CEP63: variants seen among roughly 807,000 people sequenced by gnomAD.
CEP63 encodes centrosomal protein of 63 kDa.
A neutral mutation model predicts 89.1 loss-of-function variants in CEP63; 84 were observed. The observed-to-expected ratio is 0.94, with a 90% CI of 0.79 to 1.13. The LOEUF (loss-of-function observed/expected upper bound fraction) is 1.13. Ranked by LOEUF, CEP63 falls within the 50% of genes most tolerant of loss-of-function variation. The pLI is 0.00. For synonymous variants in CEP63, 267 were observed against 272.5 expected (o/e 0.98, Z 0.20); for missense variants, 838 against 813.3 (o/e 1.03, Z -0.37).
chr3:134,608,393 C>T, the CEP63 span: 4 of 1,442,272 alleles, frequency 2.8e-6, no homozygotes, highest in Non-Finnish European at 3.7e-6. Context: ...CAGACACATC[C>T]CTTTCTGGGT....
At chr3:134,498,402 AT>A (rs1480901266) in intron 2 of CEP63, among the ~76,000 whole-genome samples, 3 of 151,768 alleles carry the variant, frequency 2.0e-5, no homozygotes, top group Non-Finnish European at 4.4e-5. Flanking sequence ...TTGTATGTTG[AT>A]TTTGTATTCT....
chr3:134,622,702 A>G, the CEP63 span, among the ~76,000 whole-genome samples: 2 of 152,230 alleles, frequency 1.3e-5, no homozygotes, highest in Admixed American at 6.5e-5. Context: ...ATGATAAAAA[A>G]AGAACAAATT....
intron 11 of CEP63, among the ~76,000 whole-genome samples, chr3:134,551,652 A>G (rs752092654): frequency 6.6e-6 from 1 of 151,354 alleles, no homozygotes; most frequent in Non-Finnish European, 1.5e-5. Flanking sequence ...GATTTATCCT[A>G]TTAGAATGAT....
At chr3:134,739,868 G>A in the CEP63 span, among the ~76,000 whole-genome samples, 2 of 152,184 alleles carry the variant, frequency 1.3e-5, no homozygotes, top group Non-Finnish European at 1.5e-5. Flanking sequence ...GTTGTGAAGT[G>A]TTTTTCAACA....
At chr3:134,599,972 C>T in the CEP63 span, among the ~76,000 whole-genome samples, 1 of 152,138 alleles carries the variant, frequency 6.6e-6, no homozygotes, top group African/African-American at 2.4e-5. Context: ...CCAGCAACAA[C>T]ATGGAGAAAG....
At chr3:134,655,646 C>A in the CEP63 span, among the ~76,000 whole-genome samples, 1 of 152,124 alleles carries the variant, frequency 6.6e-6, no homozygotes, top group South Asian at 2.1e-4. Context: ...ACAACACCTG[C>A]CCCCCTACCC....
At chr3:134,721,701 A>G in the CEP63 span, among the ~76,000 whole-genome samples, 2 of 152,088 alleles carry the variant, frequency 1.3e-5, no homozygotes, top group African/African-American at 4.8e-5. Flanking sequence ...TTTTTGTCAA[A>G]TGCCTTTTAT....
At position 134,523,756 on chromosome 3, in the gene CEP63, T is replaced by C. The variant is rs182544350; in HGVS notation, c.223-8089T>C. On this transcript the variant is annotated intron_variant, in intron 3 of 14. Transcript: ENST00000675561. ...CTCTTCCATTGGTCTATGTATCTGTTTTTGTACCAGTGCCATACTGTTTTG... is the reference window on the plus strand; with the variant it reads ...CTCTTCCATTGGTCTATGTATCTGTCTTTGTACCAGTGCCATACTGTTTTG... Among the ~76,000 whole-genome samples the C allele has an allele frequency of 4.8e-3, 731 of 152,286 alleles. 7 individuals carry two copies. The highest frequency in any genetic ancestry group is 0.017 in the African/African-American group (700 of 41,548).
chr3:134,501,570 A>ATT lies in CEP63; in HGVS notation c.45-5531_45-5530dup, dbSNP rs60149545. Among the ~76,000 whole-genome samples the ATT allele has an allele frequency of 6.0e-3, 903 of 151,140 alleles. 6 individuals are homozygous for ATT. The highest frequency in any genetic ancestry group is 9.9e-3 in the Non-Finnish European group (668 of 67,740). The stretch of plus-strand genomic sequence containing the variant: ...CCTCTGTAGTTAGATGTATTCTTAG[A>ATT]TTTTTTTTTATGTGTGGCTATTGTA... On this transcript the variant is annotated intron_variant, in intron 2 of 14. Coordinates refer to ENST00000675561, the MANE Select transcript of CEP63 (RefSeq NM_001353108.3).
At chr3:134,603,776 A>G in the CEP63 span, 3 of 1,612,820 alleles carry the variant, frequency 1.9e-6, no homozygotes, top group African/African-American at 2.7e-5. Context: ...TTCAATTTGA[A>G]TGGGACATTC....
the CEP63 span, among the ~76,000 whole-genome samples, chr3:134,715,719 T>A: frequency 6.6e-6 from 1 of 152,068 alleles, no homozygotes; most frequent in Admixed American, 6.5e-5. Flanking sequence ...AGGAGCCTCA[T>A]GGGGAAGGGT....
At chr3:134,500,476 C>T (rs1431559577) in intron 2 of CEP63, among the ~76,000 whole-genome samples, 3 of 152,230 alleles carry the variant, frequency 2.0e-5, no homozygotes, top group South Asian at 4.1e-4. Flanking sequence ...ATTGCTGAAT[C>T]GATTGGTAGT....
upstream of CEP63, chr3:134,485,991 GCCC>G (rs5852785): frequency 0.71 from 667,465 of 940,710 alleles, 234,661 homozygotes; most frequent in East Asian, 0.84. Flanking sequence ...CTCCTGCCAC[GCCC>G]CCCCCCCCTC....
At chr3:134,510,638 G>A (rs1316004343) in intron 3 of CEP63, 6 of 651,088 alleles carry the variant, frequency 9.2e-6, no homozygotes, top group Non-Finnish European at 1.4e-5. Context: ...AGCAAGAAGA[G>A]TGCACTCACT....
chr3:134,539,436 C>G (rs2109324395), intron 6 of CEP63, among the ~76,000 whole-genome samples: 1 of 152,170 alleles, frequency 6.6e-6, no homozygotes, highest in East Asian at 1.9e-4. Context: ...ATCTTATTTC[C>G]CAACAGGTAA....
chr3:134,598,682 G>T, the CEP63 span, among the ~76,000 whole-genome samples: 2 of 152,196 alleles, frequency 1.3e-5, no homozygotes, highest in African/African-American at 4.8e-5. Flanking sequence ...CATCCAGAAG[G>T]GACTGGGTTT....
chr3:134,708,257 A>T, the CEP63 span, among the ~76,000 whole-genome samples: 1 of 152,258 alleles, frequency 6.6e-6, no homozygotes, highest in Non-Finnish European at 1.5e-5. Context: ...TCTTTGCATT[A>T]ATCTTTTATC....
the CEP63 span, among the ~76,000 whole-genome samples, chr3:134,650,219 T>A: frequency 4.6e-5 from 7 of 152,312 alleles, no homozygotes; most frequent in South Asian, 1.5e-3. Context: ...ACAAGTAAAA[T>A]TGATGGATAA....
the CEP63 span, among the ~76,000 whole-genome samples, chr3:134,647,997 T>C: frequency 3.3e-5 from 5 of 152,188 alleles, no homozygotes; most frequent in African/African-American, 1.2e-4. Context: ...GGCCTAGCCA[T>C]GGCCAATCTG....
Sources: gnomAD v4.1 joint callset for allele counts (sites outside exome capture counted in the v4.1 genomes callset) on GRCh38, gnomAD v4.1.1 for gene constraint, MANE v1.5 for transcripts, NCBI Gene and HGNC (gene_info 2026-07-23, HGNC 2026-07-21) for gene names.